POLR1A: variants seen among roughly 807,000 people sequenced by gnomAD.
POLR1A encodes RNA polymerase I subunit A.
A neutral mutation model predicts 205.3 loss-of-function variants in POLR1A; 84 were observed. The observed-to-expected ratio is 0.41, with a 90% CI of 0.34 to 0.49. POLR1A has a LOEUF of 0.49. POLR1A is among the 20% of genes least tolerant of loss of function. The pLI, the probability that POLR1A is intolerant of heterozygous loss-of-function variation, is 0.22. For missense variants in POLR1A, 1,645 were observed against 2,204.5 expected, an observed-to-expected ratio of 0.75 and a Z score of 5.08; for synonymous variants, 799 against 863.7, an observed-to-expected ratio of 0.93 and a Z score of 1.31.
intron 3 of POLR1A, among the ~76,000 whole-genome samples, chr2:86,095,852 G>A (rs1056446173): frequency 5.5e-5 from 8 of 145,534 alleles, no homozygotes; most frequent in African/African-American, 2.0e-4. Context: ...CTCAGCCTCC[G>A]GAGTAGCTGG....
intron 6 of POLR1A, among the ~76,000 whole-genome samples, chr2:86,085,318 A>C (rs1238014602): frequency 6.6e-6 from 1 of 152,228 alleles, no homozygotes; most frequent in Non-Finnish European, 1.5e-5. Context: ...CCTTAGGATA[A>C]AGTCATCAAA....
intron 1 of POLR1A, among the ~76,000 whole-genome samples, chr2:86,100,795 C>T (rs1426135150): frequency 6.6e-6 from 1 of 152,164 alleles, no homozygotes; most frequent in South Asian, 2.1e-4. Flanking sequence ...CCTGCCTCAG[C>T]CTCCCAAAGT....
intron 12 of POLR1A, 116 bp downstream of exon 12, chr2:86,074,914 C>T (rs1373207557): frequency 2.9e-6 from 2 of 700,338 alleles, no homozygotes; most frequent in Non-Finnish European, 4.8e-6. Flanking sequence ...CGGGGAGCTT[C>T]CTCCTAGGGA....
intron 13 of POLR1A, among the ~76,000 whole-genome samples, chr2:86,066,862 C>T (rs1286178496): frequency 6.6e-6 from 1 of 152,174 alleles, no homozygotes; most frequent in Non-Finnish European, 1.5e-5. Flanking sequence ...AAGGCTTTCA[C>T]TTAATAATGT....
chr2:86,078,348 T>A, intron 9 of POLR1A, 64 bp from the exon 10 acceptor site: 1 of 1,340,342 alleles, frequency 7.5e-7, no homozygotes, highest in Non-Finnish European at 1.0e-6. Context: ...TGGCTTGATT[T>A]AATTTTTCTT....
Position 86,048,873 on chromosome 2 carries a change from G to A in POLR1A, c.2634+11C>T. 6 of 1,611,436 alleles carry A rather than the reference G, an allele frequency of 3.7e-6. No homozygotes were observed. Among genetic ancestry groups the A allele is most frequent in the Non-Finnish European group, 5.1e-6 (6 of 1,177,648 alleles). The stretch of plus-strand genomic sequence containing the variant: ...AGTGGTGGGGATAAATGCATGCAAT[G>A]CTGGGCTAACCTTGTTAATCTCATT... On this transcript the variant is annotated intron_variant, in intron 18 of 33. Coordinates refer to ENST00000263857, the MANE Select transcript of POLR1A (RefSeq NM_015425.6).
At chr2:86,057,267 A>G (rs1672913750) in intron 14 of POLR1A, among the ~76,000 whole-genome samples, 1 of 152,250 alleles carries the variant, frequency 6.6e-6, no homozygotes, top group African/African-American at 2.4e-5. Context: ...TAGAAATAGA[A>G]CTAGAATTAG....
At chr2:86,040,284 GACACACTCTCTCATTCACAC>G (rs1672578358) in intron 25 of POLR1A, 88 bp downstream of exon 25, 1 of 886,296 alleles carries the variant, frequency 1.1e-6, no homozygotes, top group Non-Finnish European at 1.6e-6. Flanking sequence ...CTCTCACACA[GACACACTCTCTCATTCACAC>G]ACACTCACTC....
In POLR1A at chr2:86,049,076, G is replaced by C. The variant is rs769761199; in HGVS notation, c.2476-34C>G. 8 of 1,613,874 alleles carry C rather than the reference G, an allele frequency of 5.0e-6. No individual in the cohort carries two copies. In the Admixed American group the frequency reaches 5.0e-5, roughly 10 times the overall value. ...AGAACAGAAACACAGCGGAGGCTGA[G>C]GCCAAACGACGAGAGTGTGGGTTTT... On this transcript the variant is annotated intron_variant, in intron 17 of 33. Coordinates refer to ENST00000263857, the MANE Select transcript of POLR1A (RefSeq NM_015425.6).
In POLR1A at chr2:86,089,969, T is replaced by C. The variant is rs79630752; in HGVS notation, c.433-40A>G. On this transcript the variant is annotated intron_variant, in intron 3 of 33. Coordinates refer to ENST00000263857, the MANE Select transcript of POLR1A (RefSeq NM_015425.6). ...GGAAAACTCCATTATCACAGTAATG[T>C]ACACCTCTGATGAGCAGCACAACTG... 8.2e-3 allele frequency: 8,625 copies of C among 1,050,946 alleles called. 288 individuals are homozygous for C. Among genetic ancestry groups the C allele is most frequent in the African/African-American group, 0.081 (5,328 of 65,540 alleles). The allele number at this position is 1,050,946 out of a possible 1,614,324, so 65.1% of individuals were successfully genotyped here.
intron 14 of POLR1A, among the ~76,000 whole-genome samples, chr2:86,058,334 C>T (rs56183661): frequency 1.3e-5 from 2 of 150,390 alleles, no homozygotes; most frequent in African/African-American, 2.5e-5. Flanking sequence ...CTCCTGATGT[C>T]GTGATCCGGC....
In POLR1A at chr2:86,105,702, G is replaced by C; in HGVS notation, c.75C>G (p.Leu25=). 6.2e-7 allele frequency: 1 copy of C among 1,611,066 alleles called. No homozygotes were observed. Among genetic ancestry groups the C allele is most frequent in the African/African-American group, 1.3e-5 (1 of 75,002 alleles). Reference sequence around the variant, plus strand: ...ACGCTACCCGACCAACTCCTTACTTGAGCTCTTCAGCCGAATACATCCCGA... The same window carrying C: ...ACGCTACCCGACCAACTCCTTACTTCAGCTCTTCAGCCGAATACATCCCGA... ...ISFGMYSAEE[L]KKLSVKSITN... Residue 25 remains leucine, a splice_region_variant and synonymous_variant, in exon 1 of 34, where the codon CTC becomes CTG. Coordinates refer to ENST00000263857, the MANE Select transcript of POLR1A (RefSeq NM_015425.6).
At chr2:86,078,874 A>G (rs942121146) in intron 9 of POLR1A, among the ~76,000 whole-genome samples, 2 of 152,100 alleles carry the variant, frequency 1.3e-5, no homozygotes, top group African/African-American at 4.8e-5. Flanking sequence ...TCCTTTTTTA[A>G]TATTTTTGCC....
At position 86,065,379 on chromosome 2, in the gene POLR1A, C is replaced by T. The variant is rs776537781; in HGVS notation, c.1953G>A (p.Glu651=). The T allele has an allele frequency of 5.6e-6, 9 of 1,614,170 alleles. No individual in the cohort carries two copies. Among genetic ancestry groups the T allele is most frequent in the East Asian group, 2.2e-5 (1 of 44,890 alleles). Residue 651 remains glutamate (E), a synonymous_variant, in exon 14 of 34, where the codon GAG becomes GAA. Transcript: ENST00000263857. ...MTTRGCFFTR[E]HYMELVYRGL... ...CTCGGTACACCAGCTCCATATAGTG[C>T]TCCCGGGTGAAAAAGCAACCCCGAG... is the stretch of plus-strand genomic sequence containing the variant.
In POLR1A at chr2:86,043,142, T is replaced by C. The variant is rs762855138; in HGVS notation, c.3189A>G (p.Lys1063=). Residue 1063 remains lysine (K), a synonymous_variant, in exon 23 of 34, where the codon AAA becomes AAG. Transcript: ENST00000263857. ...TAGCTCTGAAGTGGTGGAGAGCTTTTTTGGGATCTGCTCTGGATAAAACTT... is the reference window on the plus strand; with the variant it reads ...TAGCTCTGAAGTGGTGGAGAGCTTTCTTGGGATCTGCTCTGGATAAAACTT... The part of the protein sequence containing the change: ...LHEVLSRADP[K]KALHHFRAIK... 1 of 1,614,132 alleles carries C rather than the reference T, an allele frequency of 6.2e-7. No homozygotes were observed. Among genetic ancestry groups the C allele is most frequent in the East Asian group, 2.2e-5 (1 of 44,890 alleles).
At chr2:86,044,074 G>T in intron 22 of POLR1A, 65 bp downstream of exon 22, 1 of 1,537,530 alleles carries the variant, frequency 6.5e-7, no homozygotes, top group South Asian at 1.1e-5. Context: ...GCGCATTCCA[G>T]TTCTCTAACC....
Position 86,031,367 on chromosome 2 carries a change from T to G in POLR1A, c.4541A>C (p.Asp1514Ala), listed in dbSNP as rs1029242929. The G allele has an allele frequency of 6.3e-7, 1 of 1,592,538 alleles. No homozygotes were observed. Among genetic ancestry groups the G allele is most frequent in the Non-Finnish European group, 8.6e-7 (1 of 1,166,640 alleles). The change falls in exon 30 of 34, where the codon GAC (aspartate) becomes GCC (alanine). Residue 1514 changes from aspartate (D) to alanine (A), a missense_variant. Coordinates refer to ENST00000263857, the MANE Select transcript of POLR1A (RefSeq NM_015425.6). Reference protein sequence around the residue: ...AVREIHPFIDDYQYDTEESLW... With the variant: ...AVREIHPFIDAYQYDTEESLW... ...GCTCTCCTCGGTGTCGTACTGGTAG[T>G]CATCTATGAACGGGTGGATCTCACG...
intron 18 of POLR1A, 101 bp downstream of exon 18, chr2:86,048,783 G>T: frequency 9.2e-7 from 1 of 1,086,860 alleles, no homozygotes; most frequent in Non-Finnish European, 1.4e-6. Context: ...CTGTTCAACA[G>T]CCAAGGTGCT....
At chr2:86,094,095 A>AT (rs1673658671) in intron 3 of POLR1A, among the ~76,000 whole-genome samples, 1 of 152,202 alleles carries the variant, frequency 6.6e-6, no homozygotes, top group African/African-American at 2.4e-5. Context: ...GGTATGCTTC[A>AT]CTTTGATCAC....
Sources: allele counts gnomAD v4.1 joint callset (sites outside exome capture counted in the v4.1 genomes callset), GRCh38; gene constraint gnomAD v4.1.1; transcripts MANE v1.5; gene names NCBI Gene and HGNC (gene_info 2026-07-23, HGNC 2026-07-21).